SYN3: variants seen among roughly 807,000 people sequenced by gnomAD.
SYN3 encodes the protein synapsin-3.
In SYN3, 35 loss-of-function variants were observed where a neutral mutation model predicts 65.8. The ratio of observed to expected loss-of-function variants is 0.53; its 90% CI spans 0.41 to 0.70. The LOEUF is 0.70. Ranked by LOEUF, SYN3 falls within the 30% of genes least tolerant of loss-of-function variation. The probability of loss-of-function intolerance (pLI) is 0.00; values close to 1 mark genes in which losing one functional copy is unlikely to be tolerated. For synonymous variants in SYN3, 270 were observed against 292.9 expected (o/e 0.92, Z 0.80); for missense variants, 680 against 749.0 (o/e 0.91, Z 1.08).
In SYN3 at chr22:32,714,443, G is replaced by C. The variant is rs148990047; in HGVS notation, c.712-117707C>G. On this transcript the variant is annotated intron_variant, in intron 6 of 13. Coordinates refer to ENST00000358763, the MANE Select transcript of SYN3 (RefSeq NM_003490.4). ...TTAGAATTGCCTTGGGGAGTGGGTA[G>C]AGCCAAGCCACCAGCATTTTTAAAA... 4.6e-5 allele frequency among the ~76,000 whole-genome samples: 7 copies of C among 152,284 alleles called. No individual in the cohort carries two copies. In the East Asian group the frequency reaches 7.7e-4, roughly 17 times the overall value.
chr22:32,752,910 G>T (rs923063611), intron 6 of SYN3, among the ~76,000 whole-genome samples: 2 of 152,126 alleles, frequency 1.3e-5, no homozygotes, highest in African/African-American at 4.8e-5. Flanking sequence ...GCGGGGGTGA[G>T]TGGAAGCCCC....
chr22:32,513,605 C>G lies in SYN3; in HGVS notation c.*87G>C, dbSNP rs2057720188. 3.3e-6 allele frequency: 5 copies of G among 1,536,506 alleles called. No individual in the cohort carries two copies. The South Asian group carries it at 4.9e-5, about 15-fold the overall frequency. On this transcript the variant is annotated 3_prime_UTR_variant, in exon 14 of 14. Coordinates refer to ENST00000358763, the MANE Select transcript of SYN3 (RefSeq NM_003490.4). ...TGTTCTCAGGCCCTCCATTCTGTTC[C>G]CATCAGGAACCAAGGCTGAGAAGGA...
At chr22:32,742,788 C>T (rs2044813780) in intron 6 of SYN3, among the ~76,000 whole-genome samples, 2 of 152,188 alleles carry the variant, frequency 1.3e-5, no homozygotes, top group South Asian at 4.1e-4. Context: ...TAACAACTTT[C>T]CCCATTGTGC....
intron 6 of SYN3, chr22:32,858,153 C>T (rs1178536797): frequency 6.2e-7 from 1 of 1,611,796 alleles, no homozygotes; most frequent in East Asian, 2.2e-5. Flanking sequence ...GCTCTGGGGT[C>T]ACTGGGGGAA....
At chr22:32,865,277 T>C (rs772578550) in intron 5 of SYN3, among the ~76,000 whole-genome samples, 1 of 152,214 alleles carries the variant, frequency 6.6e-6, no homozygotes. Context: ...GCACTTACTA[T>C]AGCCTCAGCA....
rs1008550035 is a variant in SYN3 at position 32,837,139 on chromosome 22, G to C, written c.711+27776C>G. Among the ~76,000 whole-genome samples the C allele has an allele frequency of 7.2e-5, 11 of 152,162 alleles. No homozygotes were observed. Among genetic ancestry groups the C allele is most frequent in the Non-Finnish European group, 1.6e-4 (11 of 68,032 alleles). The stretch of plus-strand genomic sequence containing the variant: ...TCCTGAGATGTTGCCAGCTGTTTGG[G>C]CTTCAAAAATGCCCCGACCTGAAAG... On this transcript the variant is annotated intron_variant, in intron 6 of 13. Transcript: ENST00000358763. This position sits in a 1 kb window ranked among gnomAD's most constrained non-coding sequence, Gnocchi z 4.1.
Position 32,730,939 on chromosome 22 carries a change from A to G in SYN3, c.711+133976T>C, listed in dbSNP as rs552393159. 1.1e-4 allele frequency among the ~76,000 whole-genome samples: 16 copies of G among 152,190 alleles called. 1 individual carries two copies. In the South Asian group the frequency reaches 3.3e-3, roughly 32 times the overall value. ...CTGTCACCCTGTATGTGTCACCACA[A>G]ACATCACTTTCCAGGATGGCCTTTC... On this transcript the variant is annotated intron_variant, in intron 6 of 13. Transcript: ENST00000358763.
At chr22:32,572,645 C>T (rs184184945) in intron 7 of SYN3, among the ~76,000 whole-genome samples, 47 of 151,312 alleles carry the variant, frequency 3.1e-4, no homozygotes, top group Non-Finnish European at 6.2e-4. Flanking sequence ...TACAATGGTG[C>T]AATGATAGCT....
At chr22:33,033,930 A>C (rs764536862) in intron 1 of SYN3, among the ~76,000 whole-genome samples, 1 of 152,030 alleles carries the variant, frequency 6.6e-6, no homozygotes, top group Non-Finnish European at 1.5e-5. Flanking sequence ...CACGCCTATA[A>C]TCCCAGCACT....
intron 3 of SYN3, among the ~76,000 whole-genome samples, chr22:32,933,690 G>A (rs572773555): frequency 2.2e-4 from 34 of 152,152 alleles, no homozygotes; most frequent in African/African-American, 6.0e-4. Flanking sequence ...CGCCCGCCTC[G>A]GACTCCCAAA....
chr22:32,688,540 C>G (rs949848926), intron 6 of SYN3, among the ~76,000 whole-genome samples: 7 of 152,116 alleles, frequency 4.6e-5, no homozygotes, highest in African/African-American at 1.7e-4. Flanking sequence ...GACCTGCTTT[C>G]AATCCCTTTC....
intron 6 of SYN3, among the ~76,000 whole-genome samples, chr22:32,863,643 T>C (rs2146319728): frequency 6.6e-6 from 1 of 152,178 alleles, no homozygotes; most frequent in East Asian, 1.9e-4. Context: ...CGTTCTAGGT[T>C]TTCACCCTTG....
intron 6 of SYN3, chr22:32,859,520 C>A: frequency 1.9e-6 from 2 of 1,074,750 alleles, no homozygotes; most frequent in Non-Finnish European, 2.7e-6. Flanking sequence ...AAGGTCTATG[C>A]TGTCATATGG....
At chr22:32,514,827 T>C (rs2057744258) in intron 13 of SYN3, among the ~76,000 whole-genome samples, 1 of 152,168 alleles carries the variant, frequency 6.6e-6, no homozygotes, top group Admixed American at 6.5e-5. Context: ...CCATCCTGGC[T>C]AACACGGTGA....
chr22:32,690,118 G>T (rs1224998495), intron 6 of SYN3, among the ~76,000 whole-genome samples: 1 of 152,176 alleles, frequency 6.6e-6, no homozygotes, highest in Middle Eastern at 3.2e-3. Flanking sequence ...GGAGGTTGCA[G>T]TTAGCTGAGA....
At chr22:32,859,399 C>T in intron 6 of SYN3, 2 of 1,601,276 alleles carry the variant, frequency 1.2e-6, no homozygotes, top group African/African-American at 1.3e-5. Flanking sequence ...TGCCCCACCT[C>T]ACTTCCCTCC....
At chr22:32,928,001 TA>T (rs1455440408) in intron 4 of SYN3, among the ~76,000 whole-genome samples, 1 of 152,220 alleles carries the variant, frequency 6.6e-6, no homozygotes, top group Non-Finnish European at 1.5e-5. Flanking sequence ...TGCATCCCAA[TA>T]AACCCATTGT....
At chr22:32,952,739 A>G (rs1450744503) in intron 3 of SYN3, among the ~76,000 whole-genome samples, 5 of 152,218 alleles carry the variant, frequency 3.3e-5, no homozygotes, top group Non-Finnish European at 7.3e-5. Flanking sequence ...CAAGGAACAG[A>G]GCAAAACCCT....
chr22:32,698,763 C>A (rs2060772293), intron 6 of SYN3, among the ~76,000 whole-genome samples: 1 of 152,168 alleles, frequency 6.6e-6, no homozygotes, highest in East Asian at 1.9e-4. Context: ...CATCTATATA[C>A]CCTTAATATC....
Sources: allele counts gnomAD v4.1 joint callset (sites outside exome capture counted in the v4.1 genomes callset), GRCh38; gene constraint gnomAD v4.1.1; non-coding constraint Gnocchi (gnomAD v3.1); transcripts MANE v1.5; gene names NCBI Gene and HGNC (gene_info 2026-07-23, HGNC 2026-07-21).